CDH10: variants seen among roughly 807,000 people sequenced by gnomAD.
CDH10 encodes cadherin 10.
Under a neutral mutation model 73.1 loss-of-function variants are expected in CDH10, and 30 were observed. That is an observed-to-expected ratio of 0.41 (90% confidence interval 0.31 to 0.56). The LOEUF is 0.56. CDH10 is among the 20% of genes least tolerant of loss of function. The pLI is 0.27. For missense variants in CDH10, 815 were observed against 973.7 expected, an observed-to-expected ratio of 0.84 and a Z score of 2.17; for synonymous variants, 345 against 348.2, an observed-to-expected ratio of 0.99 and a Z score of 0.10.
At chr5:24,539,478 T>C (rs1216614020) in intron 2 of CDH10, among the ~76,000 whole-genome samples, 2 of 152,016 alleles carry the variant, frequency 1.3e-5, no homozygotes, top group African/African-American at 4.8e-5. Context: ...ACTGGGTCTA[T>C]AAAAGCAGTC....
At position 24,488,008 on chromosome 5, in the gene CDH10, G is replaced by T. The variant is rs760760327; in HGVS notation, c.2022C>A (p.Thr674=). The change falls in exon 12 of 12, where the codon ACC becomes ACA. Residue 674 remains threonine (T), a synonymous_variant. Coordinates refer to ENST00000264463, the MANE Select transcript of CDH10 (RefSeq NM_006727.5). The part of the protein sequence containing the change: ...EEDTQAFDIG[T]LRNPAAIEEK... ...CCTCAATGGCTGCAGGATTCCTCAG[G>T]GTGCCGATATCAAAGGCCTGGGTGT... The T allele has an allele frequency of 1.2e-6, 2 of 1,613,584 alleles. No homozygotes were observed. The highest frequency in any genetic ancestry group is 2.7e-5 in the African/African-American group (2 of 74,764).
At chr5:24,535,656 G>C (rs1225455212) in intron 4 of CDH10, 47 bp downstream of exon 4, 9 of 1,559,074 alleles carry the variant, frequency 5.8e-6, no homozygotes, top group Non-Finnish European at 7.9e-6. Context: ...ACTGATAAAG[G>C]TCATAAAGAT....
At chr5:24,532,373 G>A (rs1743783989) in intron 5 of CDH10, among the ~76,000 whole-genome samples, 1 of 152,020 alleles carries the variant, frequency 6.6e-6, no homozygotes, top group Admixed American at 6.6e-5. Flanking sequence ...TTTAGTCTTA[G>A]ATTACTCCGC....
At chr5:24,631,801 A>G (rs1747713480) in intron 1 of CDH10, among the ~76,000 whole-genome samples, 2 of 152,084 alleles carry the variant, frequency 1.3e-5, no homozygotes, top group Admixed American at 1.3e-4. Flanking sequence ...TTTATAATAT[A>G]TATATTAAAA....
intron 5 of CDH10, among the ~76,000 whole-genome samples, chr5:24,534,852 T>C (rs1743886948): frequency 6.6e-6 from 1 of 152,148 alleles, no homozygotes; most frequent in South Asian, 2.1e-4. Flanking sequence ...CAATTACAGA[T>C]GCCAGGCTCA....
intron 6 of CDH10, among the ~76,000 whole-genome samples, chr5:24,510,216 C>T (rs1380968891): frequency 6.6e-6 from 1 of 152,180 alleles, no homozygotes; most frequent in African/African-American, 2.4e-5. Flanking sequence ...TATCTTTTTA[C>T]ATCTATGCTG....
At chr5:24,634,857 T>C (rs1387865060) in intron 1 of CDH10, among the ~76,000 whole-genome samples, 6 of 151,790 alleles carry the variant, frequency 4.0e-5, no homozygotes, top group Admixed American at 3.3e-4. Context: ...TAATCCTGGA[T>C]TTTTAAAATA....
At chr5:24,634,144 A>G (rs751217129) in intron 1 of CDH10, among the ~76,000 whole-genome samples, 3 of 151,894 alleles carry the variant, frequency 2.0e-5, no homozygotes, top group Non-Finnish European at 2.9e-5. Context: ...AATTTGAAGG[A>G]TTTTGAAAAG....
At chr5:24,573,841 T>G (rs905068424) in intron 2 of CDH10, among the ~76,000 whole-genome samples, 1 of 148,186 alleles carries the variant, frequency 6.7e-6, no homozygotes, top group African/African-American at 2.5e-5. Context: ...ATAACCATTT[T>G]CATATTATAT....
chr5:24,499,686 C>T (rs1330015441), intron 8 of CDH10, among the ~76,000 whole-genome samples: 1 of 32,280 alleles, frequency 3.1e-5, no homozygotes, highest in Non-Finnish European at 1.3e-4. Flanking sequence ...GATTCCATCT[C>T]AGAAAAAAAA....
chr5:24,571,960 A>T (rs1327403074), intron 2 of CDH10, among the ~76,000 whole-genome samples: 1 of 151,274 alleles, frequency 6.6e-6, no homozygotes, highest in Non-Finnish European at 1.5e-5. Context: ...ACAAATGAAA[A>T]CACTGCTACA....
At position 24,601,232 on chromosome 5, in the gene CDH10, T is replaced by G. The variant is rs535861384; in HGVS notation, c.-123-7619A>C. 7.6e-4 allele frequency among the ~76,000 whole-genome samples: 116 copies of G among 152,262 alleles called. 1 individual carries two copies. Among genetic ancestry groups the G allele is most frequent in the Admixed American group, 3.6e-3 (55 of 15,284 alleles). On this transcript the variant is annotated intron_variant, in intron 1 of 11. Coordinates refer to ENST00000264463, the MANE Select transcript of CDH10 (RefSeq NM_006727.5). ...CAGCAAACATATCATCATGGACTTT[T>G]GTATCCAGCTTTGGAAATCAAATTT...
intron 2 of CDH10, among the ~76,000 whole-genome samples, chr5:24,553,611 T>C (rs1744631527): frequency 6.6e-6 from 1 of 152,188 alleles, no homozygotes; most frequent in Admixed American, 6.5e-5. Flanking sequence ...TTTTATTCTA[T>C]GTGAATTCAT....
intron 7 of CDH10, among the ~76,000 whole-genome samples, chr5:24,507,664 C>T (rs1579732965): frequency 1.3e-5 from 2 of 151,840 alleles, no homozygotes; most frequent in Non-Finnish European, 2.9e-5. Context: ...ACACAGAAGA[C>T]AGCCTGCTAA....
chr5:24,571,378 C>A (rs1041385635), intron 2 of CDH10, among the ~76,000 whole-genome samples: 1 of 152,072 alleles, frequency 6.6e-6, no homozygotes, highest in Non-Finnish European at 1.5e-5. Flanking sequence ...ATTAATGCTA[C>A]AAGCCACAGG....
chr5:24,608,485 G>A (rs1485873160), intron 1 of CDH10, among the ~76,000 whole-genome samples: 1 of 151,924 alleles, frequency 6.6e-6, no homozygotes, highest in Non-Finnish European at 1.5e-5. Flanking sequence ...TAGAGACGGG[G>A]TTTCACCATG....
intron 2 of CDH10, among the ~76,000 whole-genome samples, chr5:24,585,134 C>G (rs922471273): frequency 2.0e-5 from 3 of 152,168 alleles, no homozygotes; most frequent in African/African-American, 7.2e-5. Flanking sequence ...GCGTGAGCCA[C>G]TGCACCCGGC....
At chr5:24,561,644 A>G (rs1329312685) in intron 2 of CDH10, among the ~76,000 whole-genome samples, 2 of 152,174 alleles carry the variant, frequency 1.3e-5, no homozygotes, top group Non-Finnish European at 2.9e-5. Flanking sequence ...CAAAAGCTAT[A>G]AAGTGTCTCA....
chr5:24,593,449 T>C lies in CDH10; in HGVS notation c.42A>G (p.Val14=), dbSNP rs766989977. The C allele has an allele frequency of 4.6e-5, 74 of 1,610,752 alleles. 3 individuals carry two copies. The Admixed American group carries it at 1.2e-3, about 27-fold the overall frequency. ...HQFLLLFLFW[V]CLPHFCSPEI... ...CTGGAGAGCAGAAATGTGGCAGGCA[T>C]ACCCAGAATAGAAACAGTAGCAAAA... is the stretch of plus-strand genomic sequence containing the variant. Residue 14 remains valine (V), a synonymous_variant, in exon 2 of 12, where the codon GTA becomes GTG. Coordinates refer to ENST00000264463, the MANE Select transcript of CDH10 (RefSeq NM_006727.5).
Sources: gnomAD v4.1 joint callset for allele counts (sites outside exome capture counted in the v4.1 genomes callset) on GRCh38, gnomAD v4.1.1 for gene constraint, MANE v1.5 for transcripts, NCBI Gene and HGNC (gene_info 2026-07-23, HGNC 2026-07-21) for gene names.